MATN2: variants seen among roughly 807,000 people sequenced by gnomAD.
MATN2 encodes the protein matrilin-2.
Under a neutral mutation model 103.2 loss-of-function variants are expected in MATN2, and 69 were observed. The ratio of observed to expected loss-of-function variants is 0.67; its 90% CI spans 0.55 to 0.82. MATN2 has a LOEUF of 0.82. Among genes scored for constraint, MATN2 ranks in the 40% least tolerant of loss-of-function variants. The pLI is 0.00. For missense variants in MATN2, 1,023 were observed against 1,211.5 expected (o/e 0.84, Z 2.31); for synonymous variants, 429 against 450.2 (o/e 0.95, Z 0.60).
intron 3 of MATN2, among the ~76,000 whole-genome samples, chr8:97,938,808 CA>C (rs1810461784): frequency 6.6e-6 from 1 of 152,146 alleles, no homozygotes; most frequent in African/African-American, 2.4e-5. Context: ...CCTCTGGTGA[CA>C]ATATTTTTTG....
At chr8:97,939,029 CTGACTACTTT>C (rs1287695949) in intron 3 of MATN2, among the ~76,000 whole-genome samples, 1 of 151,984 alleles carries the variant, frequency 6.6e-6, no homozygotes, top group Non-Finnish European at 1.5e-5. Flanking sequence ...GCCACCATTC[CTGACTACTTT>C]TTGTATTTTT....
intron 2 of MATN2, among the ~76,000 whole-genome samples, chr8:97,911,986 C>T (rs1809460464): frequency 6.6e-6 from 1 of 152,190 alleles, no homozygotes; most frequent in South Asian, 2.1e-4. Context: ...ATTATTGTCC[C>T]CATCTTGCGG....
chr8:97,893,250 G>A (rs1221907419), intron 2 of MATN2, among the ~76,000 whole-genome samples: 2 of 152,150 alleles, frequency 1.3e-5, no homozygotes, highest in South Asian at 2.1e-4. Flanking sequence ...AGGCCACAAC[G>A]CTGGCAGGTA....
At chr8:98,031,637 G>A (rs1034013698) in intron 15 of MATN2, 3 of 152,236 alleles carry the variant, frequency 2.0e-5, no homozygotes, top group Admixed American at 6.5e-5. Flanking sequence ...TGGACTACTT[G>A]TTTACAGAAT....
At chr8:98,000,444 A>G (rs1020726001) in intron 7 of MATN2, among the ~76,000 whole-genome samples, 2 of 151,608 alleles carry the variant, frequency 1.3e-5, no homozygotes, top group Non-Finnish European at 2.9e-5. Context: ...TAAATATATA[A>G]AAATTAGCCG....
intron 1 of MATN2, among the ~76,000 whole-genome samples, chr8:97,886,953 G>C (rs1024364866): frequency 6.6e-6 from 1 of 151,500 alleles, no homozygotes. Context: ...AGGCTGGAGT[G>C]TAGTGGTGCA....
At chr8:97,932,320 T>C (rs2130147247) in intron 3 of MATN2, among the ~76,000 whole-genome samples, 1 of 152,194 alleles carries the variant, frequency 6.6e-6, no homozygotes, top group South Asian at 2.1e-4. Context: ...CCAAGGCATT[T>C]TTGCCCCATG....
At chr8:97,889,315 C>A (rs1818547090) in intron 2 of MATN2, among the ~76,000 whole-genome samples, 1 of 151,780 alleles carries the variant, frequency 6.6e-6, no homozygotes, top group African/African-American at 2.4e-5. Flanking sequence ...CTTCCAGGTT[C>A]CTGAAAGTCC....
intron 1 of MATN2, among the ~76,000 whole-genome samples, chr8:97,876,524 A>T (rs1818077505): frequency 1.3e-5 from 2 of 151,978 alleles, no homozygotes; most frequent in Non-Finnish European, 2.9e-5. Flanking sequence ...GGGTCTCACA[A>T]TATTGACCAG....
At position 97,943,282 on chromosome 8, in the gene MATN2, CTG is replaced by C. The variant is rs34812346; in HGVS notation, c.835+1384_835+1385del. The stretch of plus-strand genomic sequence containing the variant: ...TGTTCTACCTCCCCACAACCATCCT[CTG>C]GAGGCACCCTTCCTCCTCTTCAGGC... On this transcript the variant is annotated intron_variant, in intron 4 of 18. Coordinates refer to ENST00000254898, the MANE Select transcript of MATN2 (RefSeq NM_002380.5). Among the ~76,000 whole-genome samples the C allele has an allele frequency of 6.5e-3, 960 of 147,474 alleles. 4 individuals carry two copies. The highest frequency in any genetic ancestry group is 0.017 in the Middle Eastern group (5 of 288).
chr8:97,919,755 G>T (rs1809750751), intron 2 of MATN2, among the ~76,000 whole-genome samples: 2 of 152,084 alleles, frequency 1.3e-5, no homozygotes, highest in Non-Finnish European at 2.9e-5. Context: ...GCAGCCAGGT[G>T]CCTGGCACTA....
intron 5 of MATN2, among the ~76,000 whole-genome samples, chr8:97,973,789 C>T (rs574908922): frequency 2.0e-5 from 3 of 151,846 alleles, no homozygotes; most frequent in African/African-American, 4.8e-5. Flanking sequence ...AGGCTGGTCT[C>T]GAACCCCTGG....
chr8:97,881,458 C>G (rs903531624), intron 1 of MATN2, among the ~76,000 whole-genome samples: 1 of 152,236 alleles, frequency 6.6e-6, no homozygotes, highest in Non-Finnish European at 1.5e-5. Context: ...AATCTTCTCT[C>G]TCTTCCCCCA....
chr8:98,019,978 T>C (rs955658062), intron 12 of MATN2, among the ~76,000 whole-genome samples: 4 of 152,188 alleles, frequency 2.6e-5, no homozygotes, highest in Non-Finnish European at 5.9e-5. Flanking sequence ...CAAGAAGTTC[T>C]GTGTGAATGA....
At chr8:97,933,865 C>A (rs1038863844) in intron 3 of MATN2, among the ~76,000 whole-genome samples, 1 of 152,146 alleles carries the variant, frequency 6.6e-6, no homozygotes. Context: ...TCTTTATCAA[C>A]TTCATGGTAA....
chr8:98,016,787 G>A, intron 11 of MATN2, 125 bp downstream of exon 11: 2 of 1,108,668 alleles, frequency 1.8e-6, no homozygotes, highest in Non-Finnish European at 2.7e-6. Flanking sequence ...GTAATGTAGT[G>A]TCCTGGATAG....
At chr8:97,880,438 G>A (rs1309420220) in intron 1 of MATN2, among the ~76,000 whole-genome samples, 2 of 152,090 alleles carry the variant, frequency 1.3e-5, no homozygotes, top group Non-Finnish European at 2.9e-5. Flanking sequence ...CCTCTCCCAG[G>A]CATTGTGAAG....
At chr8:97,884,586 C>A (rs1052761180) in intron 1 of MATN2, among the ~76,000 whole-genome samples, 2 of 152,076 alleles carry the variant, frequency 1.3e-5, no homozygotes, top group Admixed American at 1.3e-4. Context: ...GCCTGGGCAA[C>A]ATGATGAAAC....
At chr8:97,970,216 G>T (rs912110824) in intron 5 of MATN2, among the ~76,000 whole-genome samples, 4 of 152,138 alleles carry the variant, frequency 2.6e-5, no homozygotes, top group Non-Finnish European at 5.9e-5. Context: ...CTAGGGAAGG[G>T]GTAGTAATCG....
Sources: allele counts gnomAD v4.1 joint callset (sites outside exome capture counted in the v4.1 genomes callset), GRCh38; gene constraint gnomAD v4.1.1; transcripts MANE v1.5; gene names NCBI Gene and HGNC (gene_info 2026-07-23, HGNC 2026-07-21).